The following MALRD1 variants were observed in gnomAD, a reference collection of about 807,000 sequenced individuals.
The protein encoded by MALRD1 is MAM and LDL-receptor class A domain-containing protein 1.
In MALRD1, 247 loss-of-function variants were observed where a neutral mutation model predicts 242.1. The observed-to-expected ratio is 1.02, with a 90% confidence interval of 0.92 to 1.13. MALRD1 has a LOEUF of 1.13. Among genes scored for constraint, MALRD1 ranks in the 50% most tolerant of loss-of-function variants. The pLI, the probability that MALRD1 is intolerant of heterozygous loss-of-function variation, is 0.00. For synonymous variants in MALRD1, 995 were observed against 866.6 expected (o/e 1.15, Z -2.60); for missense variants, 2,989 against 2,533.1 (o/e 1.18, Z -3.86).
chr10:19,150,955 G>C (rs564064535), intron 11 of MALRD1, among the ~76,000 whole-genome samples: 1 of 152,112 alleles, frequency 6.6e-6, no homozygotes, highest in Non-Finnish European at 1.5e-5. Flanking sequence ...AACTAGGAGT[G>C]AGACTTCTAT....
chr10:19,162,988 A>T (rs956523766), intron 12 of MALRD1, among the ~76,000 whole-genome samples: 10 of 151,442 alleles, frequency 6.6e-5, no homozygotes, highest in African/African-American at 2.4e-4. Context: ...TTAAAAAAAA[A>T]TTAGCTGGGT....
intron 36 of MALRD1, among the ~76,000 whole-genome samples, chr10:19,677,437 T>C (rs1443897976): frequency 1.3e-5 from 2 of 152,186 alleles, no homozygotes; most frequent in Non-Finnish European, 2.9e-5. Context: ...TTTAAAAGTA[T>C]ATGTTTGTTG....
At chr10:19,387,444 A>G (rs1846131919) in intron 26 of MALRD1, 84 bp from the exon 27 acceptor site, 5 of 1,428,472 alleles carry the variant, frequency 3.5e-6, no homozygotes, top group Non-Finnish European at 4.7e-6. Flanking sequence ...ATAGATTAAA[A>G]TGAATCCACT....
rs563898060 is a variant in MALRD1, at chr10:19,268,988, A to G, written c.3080-11059A>G. 4.6e-5 allele frequency among the ~76,000 whole-genome samples: 7 copies of G among 152,298 alleles called. No individual in the cohort carries two copies. The East Asian group carries it at 5.8e-4, about 13-fold the overall frequency. The stretch of plus-strand genomic sequence containing the variant: ...GAAGAAGATCAGATCAAACCAGACT[A>G]ATCTCTGCTTCTTAGTGAGTGCAAA... On this transcript the variant is annotated intron_variant, in intron 19 of 39. Transcript: ENST00000454679.
chr10:19,314,610 G>C lies in MALRD1; in HGVS notation c.3420-9339G>C, dbSNP rs1054561884. 2.6e-5 allele frequency among the ~76,000 whole-genome samples: 4 copies of C among 151,618 alleles called. No individual in the cohort carries two copies. In the Admixed American group the frequency reaches 2.6e-4, roughly 10 times the overall value. ...CTAACAGGCTGAATCTTTATCTGTA[G>C]AACAGCAGTGAGCAAACTATAGCCT... is the stretch of plus-strand genomic sequence containing the variant. On this transcript the variant is annotated intron_variant, in intron 21 of 39. Transcript: ENST00000454679.
At chr10:19,506,779 G>C (rs191206161) in intron 31 of MALRD1, among the ~76,000 whole-genome samples, 27 of 152,216 alleles carry the variant, frequency 1.8e-4, no homozygotes, top group African/African-American at 6.3e-4. Context: ...GGTGCAATTT[G>C]ATACCAGGCT....
At chr10:19,543,519 C>T (rs1185542358) in intron 32 of MALRD1, among the ~76,000 whole-genome samples, 1 of 145,540 alleles carries the variant, frequency 6.9e-6, no homozygotes, top group Non-Finnish European at 1.5e-5. Context: ...TGCTGTCCTC[C>T]TGCCTCAGAA....
At chr10:19,609,519 A>T (rs574700685) in intron 35 of MALRD1, among the ~76,000 whole-genome samples, 40 of 152,150 alleles carry the variant, frequency 2.6e-4, no homozygotes, top group African/African-American at 9.1e-4. Flanking sequence ...AGGCTTTTGT[A>T]AACCCAATCC....
chr10:19,250,900 T>C (rs190001949), intron 18 of MALRD1, among the ~76,000 whole-genome samples: 112 of 151,994 alleles, frequency 7.4e-4, no homozygotes, highest in Admixed American at 3.4e-3. Context: ...TAAAAAAACA[T>C]GTCTGAGGTT....
chr10:19,393,442 ATTTTTT>A (rs71387074), intron 28 of MALRD1, among the ~76,000 whole-genome samples: 5 of 110,042 alleles, frequency 4.5e-5, no homozygotes, highest in East Asian at 2.6e-4. Context: ...GATGAGGTTA[ATTTTTT>A]TTTTTTTTTT....
At chr10:19,508,786 C>T (rs903550663) in intron 31 of MALRD1, among the ~76,000 whole-genome samples, 6 of 152,140 alleles carry the variant, frequency 3.9e-5, no homozygotes, top group Admixed American at 6.5e-5. Context: ...ATGTGGCTCA[C>T]GTTATGTTTT....
chr10:19,690,826 TAGAC>T (rs151031226), intron 36 of MALRD1, among the ~76,000 whole-genome samples: 149 of 152,112 alleles, frequency 9.8e-4, no homozygotes, highest in African/African-American at 3.0e-3. Flanking sequence ...GGTAGATAGA[TAGAC>T]AGACAGACAG....
At chr10:19,118,466 T>A (rs1173296112) in intron 5 of MALRD1, among the ~76,000 whole-genome samples, 1 of 152,194 alleles carries the variant, frequency 6.6e-6, no homozygotes, top group East Asian at 1.9e-4. Context: ...GGTGGATTCA[T>A]AGATTTTCTG....
chr10:19,684,294 C>T (rs1156702122), intron 36 of MALRD1, among the ~76,000 whole-genome samples: 2 of 152,140 alleles, frequency 1.3e-5, no homozygotes, highest in African/African-American at 2.4e-5. Flanking sequence ...GTAACATTAT[C>T]ATATTATTAA....
chr10:19,329,956 A>G (rs1317556686), intron 23 of MALRD1, among the ~76,000 whole-genome samples: 1 of 152,210 alleles, frequency 6.6e-6, no homozygotes, highest in Non-Finnish European at 1.5e-5. Flanking sequence ...CACTCATTGC[A>G]TTATCTGATT....
intron 31 of MALRD1, among the ~76,000 whole-genome samples, chr10:19,512,210 C>A (rs1171800363): frequency 6.6e-6 from 1 of 151,960 alleles, no homozygotes; most frequent in African/African-American, 2.4e-5. Context: ...TAACAAAGGG[C>A]TTTTTTTACA....
At chr10:19,143,626 C>T (rs1833625188) in intron 10 of MALRD1, among the ~76,000 whole-genome samples, 1 of 152,156 alleles carries the variant, frequency 6.6e-6, no homozygotes, top group African/African-American at 2.4e-5. Context: ...TCACTCTACT[C>T]ATGAAAGATT....
chr10:19,628,589 GT>G (rs1225048918), intron 36 of MALRD1, among the ~76,000 whole-genome samples: 2 of 152,082 alleles, frequency 1.3e-5, no homozygotes, highest in African/African-American at 4.8e-5. Flanking sequence ...AAGGAAACTG[GT>G]GAGTTACACA....
chr10:19,588,730 C>T (rs776755116), intron 33 of MALRD1, among the ~76,000 whole-genome samples: 1 of 152,188 alleles, frequency 6.6e-6, no homozygotes, highest in African/African-American at 2.4e-5. Flanking sequence ...GCAACCTCCA[C>T]CTCCTGGGTT....
Sources: gnomAD v4.1 joint callset for allele counts (sites outside exome capture counted in the v4.1 genomes callset) on GRCh38, gnomAD v4.1.1 for gene constraint, MANE v1.5 for transcripts, NCBI Gene and HGNC (gene_info 2026-07-23, HGNC 2026-07-21) for gene names.